Variants in FGF13 observed in about 807,000 individuals in gnomAD.
FGF13 encodes fibroblast growth factor homologous factor 2.
FGF13 carries 2 observed loss-of-function variants against 19.5 expected under a neutral mutation model. That is an observed-to-expected ratio of 0.10 (90% CI 0.04 to 0.32). The LOEUF is 0.32. Among genes scored for constraint, FGF13 ranks in the 10% least tolerant of loss-of-function variants. The pLI is 1.00. For missense variants in FGF13, 113 were observed against 192.7 expected (o/e 0.59, Z 2.45); for synonymous variants, 72 against 76.9 (o/e 0.94, Z 0.33).
chrX:138,670,214 C>T (rs185988906), intron 3 of FGF13, among the ~76,000 whole-genome samples: 30 of 111,951 alleles, frequency 2.7e-4, no homozygotes, highest in African/African-American at 7.8e-4. Context: ...ACAGTAAAAT[C>T]TCATTTATTC....
At chrX:138,903,385 G>A (rs905854399) in intron 1 of FGF13, among the ~76,000 whole-genome samples, 1 of 111,548 alleles carries the variant, frequency 9.0e-6, no homozygotes, top group Non-Finnish European at 1.9e-5. Context: ...TTGCAGGTCA[G>A]GCTGAGAATG....
chrX:139,167,037 C>T (rs1326050856), intron 1 of FGF13, among the ~76,000 whole-genome samples: 1 of 111,776 alleles, frequency 8.9e-6, no homozygotes, highest in Non-Finnish European at 1.9e-5. Context: ...AAATGATATA[C>T]CCTCTGCATT....
chrX:138,635,256 G>A (rs973406745), intron 4 of FGF13, among the ~76,000 whole-genome samples: 1 of 111,206 alleles, frequency 9.0e-6, no homozygotes, highest in Non-Finnish European at 1.9e-5. Context: ...AAGGTTGAGA[G>A]TGGGGTGAGG....
chrX:138,830,593 A>G (rs1336414728), intron 3 of FGF13, among the ~76,000 whole-genome samples: 2 of 111,047 alleles, frequency 1.8e-5, no homozygotes, highest in Non-Finnish European at 3.8e-5. Flanking sequence ...AAAAGAAATT[A>G]CTTAAAGATA....
At chrX:138,650,744 T>C (rs1228961378) in intron 3 of FGF13, among the ~76,000 whole-genome samples, 1 of 111,912 alleles carries the variant, frequency 8.9e-6, no homozygotes, top group Non-Finnish European at 1.9e-5. Flanking sequence ...ACATTCATCA[T>C]TTCTTTGTGT....
chrX:139,183,136 C>T (rs990362024), intron 1 of FGF13, among the ~76,000 whole-genome samples: 1 of 112,178 alleles, frequency 8.9e-6, no homozygotes. Context: ...TGGATTCACT[C>T]CCCTGCTCTG....
intron 1 of FGF13, among the ~76,000 whole-genome samples, chrX:139,032,082 C>A (rs1452062837): frequency 1.8e-5 from 2 of 111,375 alleles, no homozygotes; most frequent in East Asian, 5.7e-4. Flanking sequence ...ACAGCAGATA[C>A]AAAATAATAT....
At chrX:138,665,537 T>C (rs1043542507) in intron 3 of FGF13, among the ~76,000 whole-genome samples, 1 of 111,753 alleles carries the variant, frequency 8.9e-6, no homozygotes, top group Middle Eastern at 4.6e-3. Flanking sequence ...GCTGGGCCTT[T>C]GGAAATATAT....
At chrX:139,028,676 T>C (rs2092213186) in intron 1 of FGF13, among the ~76,000 whole-genome samples, 1 of 72,964 alleles carries the variant, frequency 1.4e-5, no homozygotes, top group Non-Finnish European at 2.6e-5. Context: ...AGAGAGAGTG[T>C]GTGTGAAAGA....
intron 1 of FGF13, among the ~76,000 whole-genome samples, chrX:138,923,804 G>C (rs1241791186): frequency 1.8e-5 from 2 of 111,319 alleles, no homozygotes; most frequent in Non-Finnish European, 1.9e-5. Flanking sequence ...CCTCTACTTA[G>C]AATGCTTTTC....
chrX:138,965,192 T>C (rs2091890073), intron 1 of FGF13, among the ~76,000 whole-genome samples: 1 of 112,392 alleles, frequency 8.9e-6, no homozygotes. Context: ...CACCTCCACT[T>C]CCTTTACCCC....
At chrX:139,090,636 C>T (rs2083433820) in intron 1 of FGF13, among the ~76,000 whole-genome samples, 2 of 110,630 alleles carry the variant, frequency 1.8e-5, no homozygotes, top group Non-Finnish European at 3.8e-5. Context: ...TGCTGTTAAA[C>T]GTGCATTGAG....
chrX:138,740,939 A>T (rs1025124089), upstream of FGF13, among the ~76,000 whole-genome samples: 6 of 112,683 alleles, frequency 5.3e-5, no homozygotes, highest in African/African-American at 1.9e-4. Flanking sequence ...AGAAGCACAG[A>T]TGATCAGATT....
At chrX:138,885,460 T>C (rs1191251015) in intron 1 of FGF13, among the ~76,000 whole-genome samples, 1 of 111,626 alleles carries the variant, frequency 9.0e-6, no homozygotes, top group African/African-American at 3.3e-5. Flanking sequence ...CACTACACAG[T>C]TGAATATCAC....
intron 1 of FGF13, among the ~76,000 whole-genome samples, chrX:138,983,414 TTATATA>T (rs377155816): frequency 4.9e-5 from 4 of 81,196 alleles, no homozygotes; most frequent in Non-Finnish European, 7.1e-5. Context: ...TAAGTTGATC[TTATATA>T]TATATATATA....
At chrX:139,033,027 C>CAAAAAAAAAAAAAAAAAAAAAAAAAAA (rs758766077) in intron 1 of FGF13, among the ~76,000 whole-genome samples, 1 of 27,271 alleles carries the variant, frequency 3.7e-5, no homozygotes, top group African/African-American at 1.3e-4. Flanking sequence ...TCTGATTATC[C>CAAAAAAAAAAAAAAAAAAAAAAAAAAA]AAAAAAAAAA....
At chrX:138,643,630 A>G (rs2089273504) in intron 3 of FGF13, among the ~76,000 whole-genome samples, 1 of 112,123 alleles carries the variant, frequency 8.9e-6, no homozygotes, top group African/African-American at 3.2e-5. Context: ...TACATAAAAT[A>G]TGTTCTAGAG....
chrX:138,975,497 G>A (rs947525174), intron 1 of FGF13, among the ~76,000 whole-genome samples: 28 of 110,775 alleles, frequency 2.5e-4, no homozygotes, highest in Non-Finnish European at 4.5e-4. Context: ...AAACCTGCAC[G>A]TTGTGCACAT....
intron 1 of FGF13, among the ~76,000 whole-genome samples, chrX:138,877,958 G>A (rs991649115): frequency 4.5e-5 from 5 of 111,210 alleles, no homozygotes; most frequent in African/African-American, 1.6e-4. Context: ...GAATGGAATT[G>A]CTGAATCAGA....
Sources: allele counts gnomAD v4.1 joint callset (sites outside exome capture counted in the v4.1 genomes callset), GRCh38; gene constraint gnomAD v4.1.1; transcripts MANE v1.5; gene names NCBI Gene and HGNC (gene_info 2026-07-23, HGNC 2026-07-21).